Variants in FAM20B observed in about 807,000 individuals in gnomAD.
The protein encoded by FAM20B is FAM20B glycosaminoglycan xylosylkinase, also known as glycosaminoglycan xylosylkinase.
A neutral mutation model predicts 43.8 loss-of-function variants in FAM20B; 23 were observed. That is an observed-to-expected ratio of 0.53 (90% CI 0.38 to 0.74). The LOEUF (loss-of-function observed/expected upper bound fraction) is 0.74, where lower values mean the gene tolerates loss of function less well. FAM20B is among the 30% of genes least tolerant of loss of function. The probability of loss-of-function intolerance (pLI) is 0.00; values close to 1 mark genes in which losing one functional copy is unlikely to be tolerated. For synonymous variants in FAM20B, 178 were observed against 192.4 expected (o/e 0.93, Z 0.62); for missense variants, 440 against 510.5 (o/e 0.86, Z 1.33).
In FAM20B at chr1:179,054,403, A is replaced by G. The variant is rs537635632; in HGVS notation, c.465-126A>G. ...TCCTAAATATATGTACCTCTAAAAA[A>G]TTAGGTTTAGCTACTAGCTAAAAAC... On this transcript the variant is annotated intron_variant, in intron 3 of 7. Coordinates refer to ENST00000263733, the MANE Select transcript of FAM20B (RefSeq NM_014864.4). 4.4e-5 allele frequency: 25 copies of G among 574,338 alleles called. No individual in the cohort carries two copies. In the Admixed American group the frequency reaches 6.9e-4, roughly 16 times the overall value. 35.6% of individuals were successfully genotyped at this position (574,338 alleles called of 1,614,324 possible).
intron 4 of FAM20B, among the ~76,000 whole-genome samples, chr1:179,063,112 A>G (rs1651543341): frequency 6.6e-6 from 1 of 152,164 alleles, no homozygotes; most frequent in African/African-American, 2.4e-5. Context: ...CCCTGTCTCT[A>G]CTACAAATAC....
chr1:179,044,065 C>A lies in FAM20B; in HGVS notation c.218C>A (p.Pro73His). Residue 73 changes from proline (P) to histidine (H), a missense_variant, in exon 2 of 8, where the codon CCC becomes CAC. Coordinates refer to ENST00000263733, the MANE Select transcript of FAM20B (RefSeq NM_014864.4). The stretch of plus-strand genomic sequence containing the variant: ...GAGATTGCAGCCCAGTGGGTGGTTC[C>A]CCGGGAAGTGTACCCTGAAGAGACA... ...PWEIAAQWVV[P>H]REVYPEETPE... 6.2e-7 allele frequency: 1 copy of A among 1,614,084 alleles called. No homozygotes were observed. Among genetic ancestry groups the A allele is most frequent in the Non-Finnish European group, 8.5e-7 (1 of 1,180,012 alleles).
At position 179,025,969 on chromosome 1, in the gene FAM20B, T is replaced by TGGCGGC. The variant is rs935232660; in HGVS notation, c.-253_-248dup. 6 of 107,658 alleles carry TGGCGGC rather than the reference T, an allele frequency of 5.6e-5. No individual in the cohort carries two copies. The highest frequency in any genetic ancestry group is 2.9e-4 in the East Asian group (1 of 3,424). 6.7% of individuals were successfully genotyped at this position (107,658 alleles called of 1,614,324 possible). On this transcript the variant is annotated 5_prime_UTR_variant, in exon 1 of 8. Coordinates refer to ENST00000263733, the MANE Select transcript of FAM20B (RefSeq NM_014864.4). ...GGCCGGGGGTGGGCCGGAGCCGCTG[T>TGGCGGC]GGCGGCGGCGGCGGCTGGGGGCGGT... is the stretch of plus-strand genomic sequence containing the variant.
chr1:179,066,815 G>T lies in FAM20B; in HGVS notation c.954G>T (p.Ser318=), dbSNP rs758529939. The T allele has an allele frequency of 6.2e-7, 1 of 1,612,168 alleles. No individual in the cohort carries two copies. Among genetic ancestry groups the T allele is most frequent in the African/African-American group, 1.3e-5 (1 of 74,820 alleles). Residue 318 remains serine (S), a synonymous_variant, in exon 7 of 8, where the codon TCG becomes TCT. Coordinates refer to ENST00000263733, the MANE Select transcript of FAM20B (RefSeq NM_014864.4). The part of the protein sequence containing the change: ...LDNAKSFGNP[S]LDERSILAPL... Reference sequence around the variant, plus strand: ...TAATTTTCAGCTTTGGGAACCCCTCGCTGGATGAAAGAAGCATTCTTGCCC... The same window carrying T: ...TAATTTTCAGCTTTGGGAACCCCTCTCTGGATGAAAGAAGCATTCTTGCCC...
chr1:179,026,389 C>T (rs551054201), intron 1 of FAM20B, among the ~76,000 whole-genome samples: 12 of 152,096 alleles, frequency 7.9e-5, no homozygotes, highest in African/African-American at 2.9e-4. Context: ...CCGCCACGTC[C>T]CTGGCCCACC....
intron 1 of FAM20B, chr1:179,035,718 T>C (rs78806400): frequency 1.3e-5 from 4 of 319,444 alleles, no homozygotes; most frequent in South Asian, 6.7e-5. Context: ...TCACTTTTTT[T>C]CTGTGGAATC....
chr1:179,055,662 A>C (rs1332545850), intron 4 of FAM20B, among the ~76,000 whole-genome samples: 2 of 152,130 alleles, frequency 1.3e-5, no homozygotes, highest in African/African-American at 4.8e-5. Context: ...AGAGTCCAAG[A>C]AGAAGAAGCC....
chr1:179,059,308 C>T (rs777535317), intron 4 of FAM20B, among the ~76,000 whole-genome samples: 7 of 152,170 alleles, frequency 4.6e-5, no homozygotes, highest in Admixed American at 6.5e-5. Flanking sequence ...TAGCTGGCAT[C>T]GATTGGTGTC....
rs148422146 is a variant in FAM20B at position 179,051,840 on chromosome 1, G to C, written c.464+1475G>C. ...TTTTTGTATTTTTAGTAAACACGGG[G>C]TTTCACCATGTTGGCCAGGCTGGTC... On this transcript the variant is annotated intron_variant, in intron 3 of 7. Coordinates refer to ENST00000263733, the MANE Select transcript of FAM20B (RefSeq NM_014864.4). Among the ~76,000 whole-genome samples, 545 of 152,064 alleles carry C rather than the reference G, an allele frequency of 3.6e-3. 4 individuals carry two copies. The highest frequency in any genetic ancestry group is 0.013 in the African/African-American group (520 of 41,488).
intron 3 of FAM20B, among the ~76,000 whole-genome samples, chr1:179,053,238 C>T (rs1395291794): frequency 6.6e-6 from 1 of 152,156 alleles, no homozygotes; most frequent in African/African-American, 2.4e-5. Context: ...CCCCTCAATG[C>T]TAAACTGGCT....
intron 2 of FAM20B, among the ~76,000 whole-genome samples, chr1:179,046,097 A>G (rs1650760729): frequency 6.6e-6 from 1 of 152,202 alleles, no homozygotes; most frequent in Non-Finnish European, 1.5e-5. Context: ...GAGTGTAACT[A>G]ACTTGACAAG....
chr1:179,039,440 C>T (rs1040655264), intron 1 of FAM20B, among the ~76,000 whole-genome samples: 6 of 152,172 alleles, frequency 3.9e-5, no homozygotes, highest in African/African-American at 1.2e-4. Flanking sequence ...CCATTCCAGA[C>T]GTAGTAGTGC....
chr1:179,056,671 T>TA (rs1651232299), intron 4 of FAM20B, among the ~76,000 whole-genome samples: 1 of 152,244 alleles, frequency 6.6e-6, no homozygotes, highest in African/African-American at 2.4e-5. Flanking sequence ...GTGTGATTTC[T>TA]GGATCATATA....
rs751271045 is a variant in FAM20B at position 179,043,881 on chromosome 1, A to G, written c.34A>G (p.Ile12Val). Residue 12 changes from isoleucine (I) to valine (V), a missense_variant, in exon 2 of 8, where the codon ATT (isoleucine) becomes GTT (valine). Coordinates refer to ENST00000263733, the MANE Select transcript of FAM20B (RefSeq NM_014864.4). ...KLKQRVVLLA[I>V]LLVIFIFTKV... ...AAAGCAGCGAGTCGTGCTGTTAGCA[A>G]TTCTCCTTGTCATTTTTATCTTCAC... 6.2e-6 allele frequency: 10 copies of G among 1,608,298 alleles called. No homozygotes were observed. In the Admixed American group the frequency reaches 6.7e-5, roughly 11 times the overall value.
At chr1:179,023,924 G>C (rs1649650212), upstream of FAM20B, among the ~76,000 whole-genome samples, 1 of 152,158 alleles carries the variant, frequency 6.6e-6, no homozygotes, top group Admixed American at 6.5e-5. Flanking sequence ...ATTGACTGTT[G>C]ATTGGTTGGA....
At chr1:179,036,785 A>AC (rs1393676299) in intron 1 of FAM20B, among the ~76,000 whole-genome samples, 75 of 152,334 alleles carry the variant, frequency 4.9e-4, no homozygotes, top group Non-Finnish European at 9.6e-4. Context: ...TACAAGGCCG[A>AC]ATGTAGTTAA....
chr1:179,063,216 G>A (rs1315004163), intron 4 of FAM20B, among the ~76,000 whole-genome samples: 1 of 151,966 alleles, frequency 6.6e-6, no homozygotes, highest in Non-Finnish European at 1.5e-5. Context: ...GGCAGAGGTT[G>A]CAGTGAGCCA....
At chr1:179,059,306 A>G (rs534128399) in intron 4 of FAM20B, among the ~76,000 whole-genome samples, 2 of 152,372 alleles carry the variant, frequency 1.3e-5, no homozygotes, top group South Asian at 4.1e-4. Flanking sequence ...AGTAGCTGGC[A>G]TCGATTGGTG....
chr1:179,040,594 A>T (rs1355014069), intron 1 of FAM20B, among the ~76,000 whole-genome samples: 5 of 87,786 alleles, frequency 5.7e-5, no homozygotes, highest in South Asian at 4.1e-4. Flanking sequence ...GGGGCTCCTC[A>T]CTTCCCAGTA....
Sources: allele counts gnomAD v4.1 joint callset (sites outside exome capture counted in the v4.1 genomes callset), GRCh38; gene constraint gnomAD v4.1.1; transcripts MANE v1.5; gene names NCBI Gene and HGNC (gene_info 2026-07-23, HGNC 2026-07-21).